PTPRD: variants seen among roughly 807,000 people sequenced by gnomAD.
The protein encoded by PTPRD is protein tyrosine phosphatase receptor type D, also known as receptor-type tyrosine-protein phosphatase delta.
Under a neutral mutation model 214.5 loss-of-function variants are expected in PTPRD, and 34 were observed. That is an observed-to-expected ratio of 0.16 (90% CI 0.12 to 0.21). The LOEUF (loss-of-function observed/expected upper bound fraction) is 0.21. PTPRD is among the 10% of genes least tolerant of loss of function. PTPRD has a pLI of 1.00. For synonymous variants in PTPRD, 1,128 were observed against 845.7 expected (o/e 1.33, Z -5.79); for missense variants, 2,545 against 2,398.7 (o/e 1.06, Z -1.27).
chr9:8,782,789 T>A (rs987590139), intron 11 of PTPRD, among the ~76,000 whole-genome samples: 2 of 152,016 alleles, frequency 1.3e-5, no homozygotes, highest in Admixed American at 6.5e-5. Context: ...AGAGACAGGG[T>A]TTCACCATGT....
At chr9:9,901,650 G>A (rs147648894) in intron 5 of PTPRD, among the ~76,000 whole-genome samples, 2 of 152,182 alleles carry the variant, frequency 1.3e-5, no homozygotes, top group Non-Finnish European at 2.9e-5. Context: ...GAAGCTAGTG[G>A]TGAGTTGATT....
intron 5 of PTPRD, among the ~76,000 whole-genome samples, chr9:9,795,912 G>A (rs915575149): frequency 6.6e-6 from 1 of 151,914 alleles, no homozygotes; most frequent in African/African-American, 2.4e-5. Flanking sequence ...TACATTTCTA[G>A]TCTCTCTACA....
At chr9:9,811,239 A>G (rs1196380461) in intron 5 of PTPRD, among the ~76,000 whole-genome samples, 1 of 152,170 alleles carries the variant, frequency 6.6e-6, no homozygotes, top group African/African-American at 2.4e-5. Context: ...CAAGAGATTG[A>G]GTCTAACCTT....
intron 3 of PTPRD, among the ~76,000 whole-genome samples, chr9:10,098,881 T>C (rs1399378438): frequency 1.3e-5 from 2 of 151,786 alleles, no homozygotes; most frequent in East Asian, 3.9e-4. Context: ...CACTTCACCA[T>C]TTCAGTTCCC....
intron 2 of PTPRD, among the ~76,000 whole-genome samples, chr9:10,578,654 G>A (rs2070489378): frequency 1.3e-5 from 2 of 152,136 alleles, no homozygotes; most frequent in East Asian, 3.9e-4. Context: ...TTGAGATTTT[G>A]TCATGCCCAA....
chr9:8,320,766 G>T (rs1355237916), intron 44 of PTPRD, among the ~76,000 whole-genome samples: 1 of 152,030 alleles, frequency 6.6e-6, no homozygotes, highest in East Asian at 1.9e-4. Flanking sequence ...TGTCTTCATT[G>T]TTTTAAGATA....
Position 9,664,181 on chromosome 9 carries a change from A to G in PTPRD, c.-287+70352T>C, listed in dbSNP as rs575220353. 1.7e-3 allele frequency among the ~76,000 whole-genome samples: 250 copies of G among 151,322 alleles called. 1 individual carries two copies. The highest frequency in any genetic ancestry group is 5.5e-3 in the African/African-American group (228 of 41,508). The stretch of plus-strand genomic sequence containing the variant: ...GTCCCTTACACAGCCTGGCTTTAAA[A>G]TTAAAATTAAAAAAATAAATAAAAA... On this transcript the variant is annotated intron_variant, in intron 7 of 45. Transcript: ENST00000381196.
intron 4 of PTPRD, among the ~76,000 whole-genome samples, chr9:10,032,918 T>C (rs1417656968): frequency 6.6e-6 from 1 of 151,832 alleles, no homozygotes; most frequent in East Asian, 1.9e-4. Context: ...TGAACTTGAG[T>C]GAAGATTGAG....
intron 9 of PTPRD, among the ~76,000 whole-genome samples, chr9:9,207,365 A>G (rs923268024): frequency 6.6e-6 from 1 of 152,182 alleles, no homozygotes; most frequent in African/African-American, 2.4e-5. Context: ...ACTTTGAGAG[A>G]TGTCAGTAAA....
intron 9 of PTPRD, among the ~76,000 whole-genome samples, chr9:9,223,792 G>C (rs914080509): frequency 3.3e-5 from 5 of 151,824 alleles, no homozygotes; most frequent in Non-Finnish European, 7.4e-5. Flanking sequence ...GAAGAACTGA[G>C]GATTATAAAT....
At chr9:9,583,943 T>C (rs1383477121) in intron 7 of PTPRD, among the ~76,000 whole-genome samples, 1 of 152,096 alleles carries the variant, frequency 6.6e-6, no homozygotes, top group East Asian at 1.9e-4. Flanking sequence ...TGTATTCTCT[T>C]CTTCCTTCAT....
chr9:9,857,590 T>C (rs1413747309), intron 5 of PTPRD, among the ~76,000 whole-genome samples: 1 of 152,116 alleles, frequency 6.6e-6, no homozygotes, highest in East Asian at 1.9e-4. Context: ...AATCATGGAG[T>C]CCATATTACA....
intron 5 of PTPRD, among the ~76,000 whole-genome samples, chr9:9,817,705 G>T (rs926013541): frequency 1.3e-5 from 2 of 152,162 alleles, no homozygotes; most frequent in African/African-American, 4.8e-5. Flanking sequence ...GGGGTCTTCT[G>T]TGATGATTAC....
intron 3 of PTPRD, among the ~76,000 whole-genome samples, chr9:10,183,412 G>C (rs977068109): frequency 2.0e-5 from 3 of 152,106 alleles, no homozygotes; most frequent in Non-Finnish European, 4.4e-5. Context: ...CTTAAGGAAT[G>C]TATATCTCTG....
chr9:9,931,545 A>G lies in PTPRD; in HGVS notation c.-368+6962T>C, dbSNP rs184343819. Among the ~76,000 whole-genome samples the G allele has an allele frequency of 5.7e-3, 873 of 152,044 alleles. 8 individuals carry two copies. The highest frequency in any genetic ancestry group is 0.017 in the Middle Eastern group (5 of 294). ...GGCTTAAAAAACAGTGCACCAGGAGATTATATCCCGCACGTGGCTCGGAGG... is the reference window on the plus strand; with the variant it reads ...GGCTTAAAAAACAGTGCACCAGGAGGTTATATCCCGCACGTGGCTCGGAGG... On this transcript the variant is annotated intron_variant, in intron 5 of 45. Coordinates refer to ENST00000381196, the MANE Select transcript of PTPRD (RefSeq NM_002839.4).
chr9:9,606,964 CTAAAAAAAAAAA>C (rs2094197276), intron 7 of PTPRD, among the ~76,000 whole-genome samples: 1 of 36,288 alleles, frequency 2.8e-5, no homozygotes, highest in African/African-American at 1.4e-4. Context: ...CTCAGCACTG[CTAAAAAAAAAAA>C]AAAAAAAAAA....
intron 12 of PTPRD, among the ~76,000 whole-genome samples, chr9:8,726,589 ATATATATATATATATATATATATATAT>A (rs1316091543): frequency 0.011 from 145 of 12,916 alleles, 47 homozygotes; most frequent in African/African-American, 0.02. Flanking sequence ...AAAAAAAAAA[ATATATATATATATATATATATATATAT>A]ATATATATAT....
At chr9:9,206,400 A>G (rs1302160116) in intron 9 of PTPRD, among the ~76,000 whole-genome samples, 2 of 152,168 alleles carry the variant, frequency 1.3e-5, no homozygotes, top group African/African-American at 4.8e-5. Flanking sequence ...CTGGAGTGAG[A>G]GTTGGGGGAG....
chr9:8,740,400 G>A (rs2091612553), intron 11 of PTPRD, among the ~76,000 whole-genome samples: 2 of 152,100 alleles, frequency 1.3e-5, no homozygotes, highest in African/African-American at 2.4e-5. Context: ...GAAATAATTT[G>A]TATAGTTGTA....
Sources: allele counts gnomAD v4.1 joint callset (sites outside exome capture counted in the v4.1 genomes callset), GRCh38; gene constraint gnomAD v4.1.1; transcripts MANE v1.5; gene names NCBI Gene and HGNC (gene_info 2026-07-23, HGNC 2026-07-21).